Variants in PPME1 observed in about 807,000 individuals in gnomAD.
PPME1 encodes testicular secretory protein Li 39.
A neutral mutation model predicts 56.9 loss-of-function variants in PPME1; 17 were observed. The ratio of observed to expected loss-of-function variants is 0.30; its 90% CI spans 0.20 to 0.45. The LOEUF is 0.45. Among genes scored for constraint, PPME1 ranks in the 20% least tolerant of loss-of-function variants. The pLI is 1.00. For synonymous variants in PPME1, 122 were observed against 156.2 expected, an observed-to-expected ratio of 0.78 and a Z score of 1.63; for missense variants, 357 against 483.2, an observed-to-expected ratio of 0.74 and a Z score of 2.45.
At chr11:74,207,764 A>T (rs1255834393) in intron 3 of PPME1, among the ~76,000 whole-genome samples, 1 of 152,210 alleles carries the variant, frequency 6.6e-6, no homozygotes, top group African/African-American at 2.4e-5. Flanking sequence ...CAGAAGAGAG[A>T]TGAGAGGAAC....
intron 3 of PPME1, among the ~76,000 whole-genome samples, chr11:74,219,184 G>T (rs975371979): frequency 6.6e-6 from 1 of 151,782 alleles, no homozygotes; most frequent in African/African-American, 2.4e-5. Context: ...CTATAATGAG[G>T]TATCATCTCA....
At chr11:74,238,778 A>T (rs958061200) in intron 8 of PPME1, 1 of 159,922 alleles carries the variant, frequency 6.3e-6, no homozygotes, top group African/African-American at 2.4e-5. Context: ...CCCAGCCTTA[A>T]CCACTTATGA....
At chr11:74,176,547 A>G (rs1857403982) in intron 1 of PPME1, among the ~76,000 whole-genome samples, 1 of 152,062 alleles carries the variant, frequency 6.6e-6, no homozygotes, top group Non-Finnish European at 1.5e-5. Context: ...CAGTTGTACA[A>G]TTACCACCAC....
chr11:74,235,623 C>T (rs778601499), intron 7 of PPME1: 4 of 355,804 alleles, frequency 1.1e-5, no homozygotes, highest in South Asian at 3.3e-5. Flanking sequence ...TCTTTTTCTC[C>T]CTACCGAATT....
At chr11:74,215,518 TAAC>T (rs1188762158) in intron 3 of PPME1, among the ~76,000 whole-genome samples, 3 of 151,696 alleles carry the variant, frequency 2.0e-5, no homozygotes, top group Non-Finnish European at 4.4e-5. Flanking sequence ...ACCAAAAACA[TAAC>T]AACAGATACA....
intron 11 of PPME1, chr11:74,250,497 A>ACGTG (rs1441983297): frequency 3.2e-5 from 5 of 158,578 alleles, no homozygotes; most frequent in African/African-American, 1.2e-4. Context: ...TCTCATAAGC[A>ACGTG]CCATGCCAAG....
At chr11:74,220,814 C>T (rs1858779418) in intron 3 of PPME1, among the ~76,000 whole-genome samples, 1 of 152,172 alleles carries the variant, frequency 6.6e-6, no homozygotes, top group Non-Finnish European at 1.5e-5. Flanking sequence ...TCATCCATTT[C>T]AGAAGTAGCA....
intron 1 of PPME1, among the ~76,000 whole-genome samples, chr11:74,181,907 A>G (rs969275090): frequency 1.1e-4 from 17 of 152,246 alleles, no homozygotes; most frequent in African/African-American, 4.1e-4. Context: ...GTGTTCTAAC[A>G]ACACTTTATG....
chr11:74,252,462 A>T, intron 13 of PPME1: 1 of 456,166 alleles, frequency 2.2e-6, no homozygotes, highest in South Asian at 1.6e-5. Flanking sequence ...CAAGCTGGGA[A>T]TGGAATGGGT....
intron 3 of PPME1, among the ~76,000 whole-genome samples, chr11:74,216,140 A>G (rs1252454964): frequency 1.3e-5 from 2 of 152,192 alleles, no homozygotes; most frequent in African/African-American, 2.4e-5. Context: ...TATATATCAA[A>G]TGGACTTAAT....
chr11:74,220,954 C>T (rs1858784399), intron 3 of PPME1, among the ~76,000 whole-genome samples: 1 of 152,110 alleles, frequency 6.6e-6, no homozygotes, highest in African/African-American at 2.4e-5. Context: ...TCTTCTTCCA[C>T]CATAGTAGAA....
chr11:74,193,887 T>G (rs747439120), intron 1 of PPME1, among the ~76,000 whole-genome samples: 1 of 152,236 alleles, frequency 6.6e-6, no homozygotes, highest in Non-Finnish European at 1.5e-5. Context: ...TTATGTGAAC[T>G]CTTTACAGGT....
intron 1 of PPME1, among the ~76,000 whole-genome samples, chr11:74,185,352 G>A (rs1175044802): frequency 6.6e-6 from 1 of 152,018 alleles, no homozygotes; most frequent in East Asian, 1.9e-4. Flanking sequence ...TCTGGGGAGG[G>A]GATCGTATGG....
intron 3 of PPME1, among the ~76,000 whole-genome samples, chr11:74,221,923 G>C (rs1320492928): frequency 6.6e-6 from 1 of 152,062 alleles, no homozygotes; most frequent in Non-Finnish European, 1.5e-5. Flanking sequence ...CCTGAGCCAA[G>C]ATATAAACTG....
chr11:74,219,381 A>G (rs1858739357), intron 3 of PPME1, among the ~76,000 whole-genome samples: 1 of 152,088 alleles, frequency 6.6e-6, no homozygotes, highest in African/African-American at 2.4e-5. Flanking sequence ...TAATGCAGCA[A>G]TCCCGCTACT....
chr11:74,185,944 G>C (rs1363308352), intron 1 of PPME1, among the ~76,000 whole-genome samples: 1 of 152,064 alleles, frequency 6.6e-6, no homozygotes, highest in African/African-American at 2.4e-5. Context: ...GTGAGGTAAG[G>C]TTTCATTTAT....
chr11:74,252,772 T>G (rs1239298934), intron 13 of PPME1, among the ~76,000 whole-genome samples: 2 of 152,180 alleles, frequency 1.3e-5, no homozygotes. Context: ...TCTATTGGTC[T>G]AGAGGAAGAA....
chr11:74,175,312 G>T (rs1857376335), intron 1 of PPME1, among the ~76,000 whole-genome samples: 1 of 152,048 alleles, frequency 6.6e-6, no homozygotes, highest in African/African-American at 2.4e-5. Context: ...AGACCAGCCT[G>T]ACCAACATAG....
At chr11:74,187,209 T>G (rs561880914) in intron 1 of PPME1, among the ~76,000 whole-genome samples, 1 of 152,314 alleles carries the variant, frequency 6.6e-6, no homozygotes, top group Middle Eastern at 3.4e-3. Context: ...TGTTCTTTTT[T>G]AAAAAACTTA....
Sources: gnomAD v4.1 joint callset for allele counts (sites outside exome capture counted in the v4.1 genomes callset) on GRCh38, gnomAD v4.1.1 for gene constraint, MANE v1.5 for transcripts, NCBI Gene and HGNC (gene_info 2026-07-23, HGNC 2026-07-21) for gene names.